RIMS2: variants seen among roughly 807,000 people sequenced by gnomAD.
RIMS2 encodes the protein regulating synaptic membrane exocytosis protein 2.
In RIMS2, 59 loss-of-function variants were observed where a neutral mutation model predicts 174.4. The observed-to-expected ratio is 0.34, with a 90% CI of 0.27 to 0.42. RIMS2 has a LOEUF of 0.42. Among genes scored for constraint, RIMS2 ranks in the 10% least tolerant of loss-of-function variants. RIMS2 has a pLI of 1.00. For synonymous variants in RIMS2, 606 were observed against 572.5 expected, an observed-to-expected ratio of 1.06 and a Z score of -0.84; for missense variants, 1,620 against 1,666.3, an observed-to-expected ratio of 0.97 and a Z score of 0.48.
intron 1 of RIMS2, among the ~76,000 whole-genome samples, chr8:103,636,074 A>G (rs1582767): frequency 0.18 from 27,699 of 152,148 alleles, 2,773 homozygotes; most frequent in African/African-American, 0.26. Context: ...TCCAAAGTGT[A>G]AAGGCTGGAA....
At chr8:103,846,502 AGG>A (rs2098968580) in intron 3 of RIMS2, among the ~76,000 whole-genome samples, 1 of 152,118 alleles carries the variant, frequency 6.6e-6, no homozygotes. Flanking sequence ...CCTTGGACTG[AGG>A]GTAACCTCCT....
intron 3 of RIMS2, among the ~76,000 whole-genome samples, chr8:103,822,742 G>T (rs990705066): frequency 6.6e-5 from 10 of 151,960 alleles, no homozygotes; most frequent in African/African-American, 2.4e-4. Context: ...TGACTCACTT[G>T]ATAGGTTTTG....
chr8:103,913,729 A>T (rs1287309987), intron 6 of RIMS2, among the ~76,000 whole-genome samples: 2 of 152,082 alleles, frequency 1.3e-5, no homozygotes, highest in African/African-American at 4.8e-5. Flanking sequence ...CGCATGTCAC[A>T]TGGCAAAAGC....
chr8:103,877,142 G>C (rs1262581040), intron 3 of RIMS2, among the ~76,000 whole-genome samples: 1 of 151,314 alleles, frequency 6.6e-6, no homozygotes, highest in East Asian at 2.0e-4. Flanking sequence ...CATAGTGGTT[G>C]TACTAGTTTA....
chr8:103,597,224 A>G (rs372128386), intron 1 of RIMS2, among the ~76,000 whole-genome samples: 10 of 152,304 alleles, frequency 6.6e-5, no homozygotes, highest in African/African-American at 2.4e-4. Flanking sequence ...TTCTTTAACT[A>G]TAGTGAGTTT....
At position 104,176,993 on chromosome 8, in the gene RIMS2, A is replaced by G. The variant is rs949888490; in HGVS notation, c.3335-67923A>G. Reference sequence around the variant, plus strand: ...AATTTGTATTGAAATACGGAAGGTCAGCAGACACGTGTATAGATCACATCA... The same window carrying G: ...AATTTGTATTGAAATACGGAAGGTCGGCAGACACGTGTATAGATCACATCA... On this transcript the variant is annotated intron_variant, in intron 19 of 23. Coordinates refer to ENST00000504942, the Ensembl canonical transcript of RIMS2. Among the ~76,000 whole-genome samples, 6 of 152,290 alleles carry G rather than the reference A, an allele frequency of 3.9e-5. No homozygotes were observed. The South Asian group carries it at 1.2e-3, about 32-fold the overall frequency.
chr8:104,192,720 G>T (rs1038584083), intron 19 of RIMS2, among the ~76,000 whole-genome samples: 1 of 152,054 alleles, frequency 6.6e-6, no homozygotes, highest in African/African-American at 2.4e-5. Context: ...TTCAGATTTT[G>T]GTTTTCTTTC....
Position 103,541,739 on chromosome 8 carries a change from A to T in RIMS2, c.176+40677A>T, listed in dbSNP as rs1842692615. Among the ~76,000 whole-genome samples the T allele has an allele frequency of 3.9e-5, 6 of 152,368 alleles. No homozygotes were observed. In the South Asian group the frequency reaches 1.2e-3, roughly 32 times the overall value. On this transcript the variant is annotated intron_variant, in intron 1 of 23. Coordinates refer to ENST00000504942, the Ensembl canonical transcript of RIMS2. ...ACTATTAAAAATAGTAATAGCTACA[A>T]TAATTTGTTAAGGGATATACAATGC...
At position 104,065,068 on chromosome 8, in the gene RIMS2, G is replaced by A. The variant is rs76852185; in HGVS notation, c.3334+50453G>A. Among the ~76,000 whole-genome samples, 107 of 152,072 alleles carry A rather than the reference G, an allele frequency of 7.0e-4. No homozygotes were observed. In the East Asian group the frequency reaches 0.021, roughly 29 times the overall value. On this transcript the variant is annotated intron_variant, in intron 19 of 23. Transcript: ENST00000504942. The stretch of plus-strand genomic sequence containing the variant: ...TTTTTCAAACTTTTTATTTTGGAAA[G>A]TTTGAAATTATTTCAACAATATATA...
At chr8:103,919,879 AATT>A (rs1335425711) in intron 9 of RIMS2, among the ~76,000 whole-genome samples, 2 of 152,022 alleles carry the variant, frequency 1.3e-5, no homozygotes, top group African/African-American at 4.8e-5. Context: ...ATAAAATTAT[AATT>A]ATTATAAAAT....
At chr8:103,630,921 T>C (rs1259749030) in intron 1 of RIMS2, among the ~76,000 whole-genome samples, 2 of 152,222 alleles carry the variant, frequency 1.3e-5, no homozygotes, top group South Asian at 2.1e-4. Flanking sequence ...ATGTCTTCTT[T>C]TGAGAAGTGT....
chr8:104,084,445 A>AAAAAAC (rs956357362), intron 19 of RIMS2, among the ~76,000 whole-genome samples: 3 of 151,416 alleles, frequency 2.0e-5, no homozygotes, highest in East Asian at 1.9e-4. Flanking sequence ...CTCAAAAAAA[A>AAAAAAC]AAAAAAAAAA....
intron 1 of RIMS2, among the ~76,000 whole-genome samples, chr8:103,694,037 A>G (rs10093565): frequency 0.012 from 1,762 of 152,146 alleles, 32 homozygotes; most frequent in African/African-American, 0.039. Context: ...TTGTGTCCGC[A>G]AGAGTGGATT....
intron 2 of RIMS2, among the ~76,000 whole-genome samples, chr8:103,756,419 A>T (rs1265671198): frequency 1.6e-5 from 2 of 127,680 alleles, no homozygotes; most frequent in African/African-American, 2.9e-5. Flanking sequence ...ACTCTTGTAT[A>T]TTATTTTCTT....
At chr8:104,180,226 C>CT (rs2098932032) in intron 19 of RIMS2, among the ~76,000 whole-genome samples, 1 of 151,630 alleles carries the variant, frequency 6.6e-6, no homozygotes, top group Non-Finnish European at 1.5e-5. Context: ...AAAGGGCATG[C>CT]CCATTTTTAA....
At chr8:103,643,623 T>C (rs2096272194) in intron 1 of RIMS2, among the ~76,000 whole-genome samples, 1 of 152,158 alleles carries the variant, frequency 6.6e-6, no homozygotes, top group Non-Finnish European at 1.5e-5. Flanking sequence ...CTTGTGTTTA[T>C]CTTTTTTTAT....
chr8:103,587,917 C>A (rs902546649), intron 1 of RIMS2, among the ~76,000 whole-genome samples: 1 of 151,874 alleles, frequency 6.6e-6, no homozygotes, highest in African/African-American at 2.4e-5. Flanking sequence ...AGCATTCAGA[C>A]AGGAGAAGGA....
rs2137212752 is a variant in RIMS2, at chr8:103,695,166, T to C, written c.177-1920T>C. ...ACAGGAAATGTTAAACTGTCCTTTT[T>C]ACCCTGTTCAGTGCGTCTTTTATTT... On this transcript the variant is annotated intron_variant, in intron 1 of 23. Transcript: ENST00000504942. Among the ~76,000 whole-genome samples, 3 of 152,350 alleles carry C rather than the reference T, an allele frequency of 2.0e-5. 1 individual carries two copies. The East Asian group carries it at 5.8e-4, about 29-fold the overall frequency.
chr8:103,842,753 A>G (rs147649210), intron 3 of RIMS2, among the ~76,000 whole-genome samples: 3 of 152,210 alleles, frequency 2.0e-5, no homozygotes, highest in Admixed American at 1.3e-4. Context: ...AAAAATTTAA[A>G]CATTTACTCA....
Sources: gnomAD v4.1 joint callset for allele counts (sites outside exome capture counted in the v4.1 genomes callset) on GRCh38, gnomAD v4.1.1 for gene constraint, MANE v1.5 for transcripts, NCBI Gene and HGNC (gene_info 2026-07-23, HGNC 2026-07-21) for gene names.